Variants in CCDC171 observed in about 807,000 individuals in gnomAD.
The protein encoded by CCDC171 is coiled-coil domain containing 171.
CCDC171 carries 177 observed loss-of-function variants against 168.2 expected under a neutral mutation model. The ratio of observed to expected loss-of-function variants is 1.05; its 90% CI spans 0.93 to 1.19. The LOEUF (loss-of-function observed/expected upper bound fraction) is 1.19, where lower values mean the gene tolerates loss of function less well. Among genes scored for constraint, CCDC171 ranks in the 50% most tolerant of loss-of-function variants. The pLI is 0.00. For synonymous variants in CCDC171, 687 were observed against 540.8 expected (o/e 1.27, Z -3.75); for missense variants, 1,991 against 1,539.0 (o/e 1.29, Z -4.91).
chr9:15,746,800 A>G (rs201089408), intron 18 of CCDC171, among the ~76,000 whole-genome samples: 1 of 152,128 alleles, frequency 6.6e-6, no homozygotes, highest in Non-Finnish European at 1.5e-5. Flanking sequence ...GCGGGGTGTC[A>G]CCTCACCTGG....
intron 6 of CCDC171, among the ~76,000 whole-genome samples, chr9:15,597,215 T>G (rs1457938604): frequency 6.6e-6 from 1 of 152,124 alleles, no homozygotes; most frequent in Non-Finnish European, 1.5e-5. Context: ...GGCATCCCTG[T>G]CTTGTGCCAG....
chr9:15,826,421 C>G (rs2060013807), intron 21 of CCDC171, among the ~76,000 whole-genome samples: 1 of 152,098 alleles, frequency 6.6e-6, no homozygotes, highest in Non-Finnish European at 1.5e-5. Context: ...AACCTTGCTA[C>G]TCCCATATCA....
At chr9:15,718,489 C>T (rs900953785) in intron 11 of CCDC171, among the ~76,000 whole-genome samples, 7 of 152,210 alleles carry the variant, frequency 4.6e-5, no homozygotes, top group African/African-American at 9.6e-5. Context: ...CATAGGCAGT[C>T]GCCAGTTAAT....
chr9:15,877,980 C>G (rs2131291120), intron 24 of CCDC171, among the ~76,000 whole-genome samples: 1 of 151,986 alleles, frequency 6.6e-6, no homozygotes, highest in East Asian at 1.9e-4. Context: ...AAAATCAATC[C>G]AAGATGGATA....
At chr9:16,031,591 T>A (rs1833365040) in intron 6 of CCDC171, among the ~76,000 whole-genome samples, 1 of 152,190 alleles carries the variant, frequency 6.6e-6, no homozygotes, top group Non-Finnish European at 1.5e-5. Flanking sequence ...ATTGGATCTG[T>A]ATAGGGCTTT....
chr9:15,633,328 A>T (rs1310950864), intron 7 of CCDC171, among the ~76,000 whole-genome samples: 2 of 152,222 alleles, frequency 1.3e-5, no homozygotes, highest in Non-Finnish European at 2.9e-5. Flanking sequence ...ATTTACAAGA[A>T]AAAAACAAAC....
At chr9:16,053,019 T>C (rs1357931034) in intron 1 of CCDC171, among the ~76,000 whole-genome samples, 1 of 152,258 alleles carries the variant, frequency 6.6e-6, no homozygotes, top group Admixed American at 6.5e-5. Flanking sequence ...CATACATTGT[T>C]GCTGGAACGG....
intron 11 of CCDC171, among the ~76,000 whole-genome samples, chr9:15,707,123 A>G (rs2052306369): frequency 6.6e-6 from 1 of 152,142 alleles, no homozygotes; most frequent in Non-Finnish European, 1.5e-5. Context: ...GGAGCAGTAC[A>G]CCGTTTCCTC....
chr9:15,926,713 T>C (rs1008642013), intron 25 of CCDC171, among the ~76,000 whole-genome samples: 8 of 151,640 alleles, frequency 5.3e-5, no homozygotes, highest in Non-Finnish European at 8.9e-5. Context: ...GTTATGAGGA[T>C]GAAACAAAGA....
chr9:16,102,942 A>G, the CCDC171 span, among the ~76,000 whole-genome samples: 2 of 152,158 alleles, frequency 1.3e-5, no homozygotes, highest in Admixed American at 6.5e-5. Flanking sequence ...TAATCTTCTC[A>G]ATTATATTTC....
At chr9:15,678,237 G>T (rs1309682562) in intron 9 of CCDC171, among the ~76,000 whole-genome samples, 9 of 151,806 alleles carry the variant, frequency 5.9e-5, no homozygotes, top group Admixed American at 5.9e-4. Flanking sequence ...AAATAGGAAG[G>T]CGAATCCTTT....
rs2053696194 is a variant in CCDC171, at chr9:15,724,848, G to A, written c.1564G>A (p.Ala522Thr). 1.9e-6 allele frequency: 3 copies of A among 1,613,794 alleles called. No homozygotes were observed. Among genetic ancestry groups the A allele is most frequent in the Non-Finnish European group, 2.5e-6 (3 of 1,179,758 alleles). Residue 522 changes from alanine to threonine, a missense_variant, in exon 14 of 26, where the codon GCT becomes ACT. Ala to Thr is a moderately conservative substitution (Grantham distance 58, BLOSUM62 0). Transcript: ENST00000380701. ...HLHTKCADRE[A>T]LISTLKVELQ... ...ACACACTAAATGTGCAGACCGAGAG[G>A]CTTTAATAAGCACTTTAAAAGTGGA...
intron 25 of CCDC171, chr9:15,922,214 G>T: frequency 2.8e-6 from 1 of 362,430 alleles, no homozygotes; most frequent in South Asian, 2.2e-5. Context: ...TATCCTTTTA[G>T]GAGAATGCTG....
Position 15,779,028 on chromosome 9 carries a change from G to C in CCDC171, c.2959G>C (p.Glu987Gln), listed in dbSNP as rs2057507250. 1 of 1,597,946 alleles carries C rather than the reference G, an allele frequency of 6.3e-7. No homozygotes were observed. The highest frequency in any genetic ancestry group is 8.5e-7 in the Non-Finnish European group (1 of 1,173,160). Residue 987 changes from glutamate (E) to glutamine (Q), a missense_variant, in exon 20 of 26, where the codon GAA becomes CAA. By Grantham distance (29) the Glu-to-Gln change is conservative. Coordinates refer to ENST00000380701, the MANE Select transcript of CCDC171 (RefSeq NM_173550.4). ...LGFTQRLHAA[E>Q]VERRSLRLEV... ...ATTTACACAAAGACTGCATGCTGCAGAAGTGGAGCGCCGCTCACTACGCTT... is the reference window on the plus strand; with the variant it reads ...ATTTACACAAAGACTGCATGCTGCACAAGTGGAGCGCCGCTCACTACGCTT...
At chr9:15,974,242 C>CT (rs982021176), downstream of CCDC171, among the ~76,000 whole-genome samples, 110 of 151,824 alleles carry the variant, frequency 7.2e-4, 1 homozygote, top group African/African-American at 2.4e-3. Context: ...ATACCATATG[C>CT]TTTTTTCCCA....
At chr9:15,572,852 G>A (rs948069822) in intron 3 of CCDC171, among the ~76,000 whole-genome samples, 1 of 152,144 alleles carries the variant, frequency 6.6e-6, no homozygotes, top group African/African-American at 2.4e-5. Flanking sequence ...GTCAGTAGTT[G>A]TGTATTGAAT....
chr9:16,021,823 C>A (rs1833172958), intron 4 of CCDC171, among the ~76,000 whole-genome samples: 1 of 152,204 alleles, frequency 6.6e-6, no homozygotes, highest in African/African-American at 2.4e-5. Flanking sequence ...TAGCTATGTT[C>A]TAGATGGTGC....
chr9:15,946,428 A>G (rs1174863414), intron 25 of CCDC171, among the ~76,000 whole-genome samples: 3 of 152,002 alleles, frequency 2.0e-5, no homozygotes, highest in Admixed American at 2.0e-4. Context: ...CAATTGCTTC[A>G]AAGAGAATAA....
intron 11 of CCDC171, among the ~76,000 whole-genome samples, chr9:15,700,256 C>A (rs7032891): frequency 0.93 from 142,236 of 152,346 alleles, 66,527 homozygotes; most frequent in East Asian, 1. Context: ...TGGGGGACCC[C>A]GTACACCCTC....
Sources: gnomAD v4.1 joint callset for allele counts (sites outside exome capture counted in the v4.1 genomes callset) on GRCh38, gnomAD v4.1.1 for gene constraint, MANE v1.5 for transcripts, NCBI Gene and HGNC (gene_info 2026-07-23, HGNC 2026-07-21) for gene names.